Variants in NINL observed in about 807,000 individuals in gnomAD.
The protein encoded by NINL is ninein-like protein.
In NINL, 153 loss-of-function variants were observed where a neutral mutation model predicts 160.3. That is an observed-to-expected ratio of 0.95 (90% CI 0.84 to 1.09). The LOEUF (loss-of-function observed/expected upper bound fraction) is 1.09. NINL is among the 50% of genes least tolerant of loss of function. The pLI is 0.00. For missense variants in NINL, 1,829 were observed against 1,764.0 expected, an observed-to-expected ratio of 1.04 and a Z score of -0.66; for synonymous variants, 800 against 734.8, an observed-to-expected ratio of 1.09 and a Z score of -1.43.
chr20:25,489,841 C>T (rs1298536833), intron 12 of NINL, 34 bp downstream of exon 12: 1 of 1,596,710 alleles, frequency 6.3e-7, no homozygotes, highest in Non-Finnish European at 8.6e-7. Context: ...CAGGCCCTCC[C>T]CTCTGGAGGC....
chr20:25,513,396 G>A (rs2064109620), intron 3 of NINL, among the ~76,000 whole-genome samples: 1 of 152,190 alleles, frequency 6.6e-6, no homozygotes, highest in African/African-American at 2.4e-5. Flanking sequence ...AGTATACTGA[G>A]TGAACACGCT....
Position 25,517,841 on chromosome 20 carries a change from A to T in NINL, c.189T>A (p.Phe63Leu). Reference protein sequence around the residue: ...LGNDHFARVNFEEFKEGFVAV... With the variant: ...LGNDHFARVNLEEFKEGFVAV... ...CCACAAAACCTTCCTTAAATTCCTC[A>T]AAGTTAACCTGGGTGAATTGAAGGT... is the stretch of plus-strand genomic sequence containing the variant. The change falls in exon 3 of 24, where the codon TTT (phenylalanine) becomes TTA (leucine). Residue 63 changes from phenylalanine to leucine, a missense_variant. By Grantham distance (22) the Phe-to-Leu change is conservative (BLOSUM62 0). Transcript: ENST00000278886. 1 of 1,602,544 alleles carries T rather than the reference A, an allele frequency of 6.2e-7. No individual in the cohort carries two copies. Among genetic ancestry groups the T allele is most frequent in the South Asian group, 1.1e-5 (1 of 88,532 alleles).
At chr20:25,455,927 T>C in intron 22 of NINL, 141 bp from the exon 23 acceptor site, 1 of 657,240 alleles carries the variant, frequency 1.5e-6, no homozygotes, top group Non-Finnish European at 2.7e-6. Flanking sequence ...ACCCCATCTC[T>C]ACTAAAAAAA....
chr20:25,584,231 G>A (rs1302327321), intron 1 of NINL, among the ~76,000 whole-genome samples: 1 of 152,206 alleles, frequency 6.6e-6, no homozygotes, highest in Non-Finnish European at 1.5e-5. Flanking sequence ...AGAACTTTGG[G>A]AGGCCGAGGC....
At chr20:25,547,865 C>T (rs996712603) in intron 1 of NINL, among the ~76,000 whole-genome samples, 2 of 152,138 alleles carry the variant, frequency 1.3e-5, no homozygotes, top group South Asian at 2.1e-4. Context: ...GGAAATAAAC[C>T]GGGGCAACCT....
At chr20:25,503,702 G>C (rs2063909870) in intron 7 of NINL, among the ~76,000 whole-genome samples, 1 of 152,236 alleles carries the variant, frequency 6.6e-6, no homozygotes, top group African/African-American at 2.4e-5. Context: ...ACGTGAGCCT[G>C]AGGCTTGGAG....
At chr20:25,468,356 C>T (rs1005404839) in intron 18 of NINL, among the ~76,000 whole-genome samples, 8 of 150,988 alleles carry the variant, frequency 5.3e-5, no homozygotes, top group African/African-American at 2.0e-4. Context: ...CCTCCCTGTC[C>T]CCACTGACTC....
At chr20:25,570,134 T>A (rs1232435074) in intron 1 of NINL, among the ~76,000 whole-genome samples, 1 of 152,072 alleles carries the variant, frequency 6.6e-6, no homozygotes, top group African/African-American at 2.4e-5. Flanking sequence ...GAGCTGAGAT[T>A]GGGCCATTGC....
chr20:25,468,506 C>T (rs1321746192), intron 18 of NINL, among the ~76,000 whole-genome samples: 8 of 111,644 alleles, frequency 7.2e-5, no homozygotes, highest in Admixed American at 1.8e-4. Context: ...CCCTGTCCCC[C>T]GACTCTCACT....
chr20:25,562,222 C>A (rs1381016464), intron 1 of NINL, among the ~76,000 whole-genome samples: 1 of 106,662 alleles, frequency 9.4e-6, no homozygotes, highest in Non-Finnish European at 2.0e-5. Flanking sequence ...AGGTGAGGGG[C>A]GCCTCTGCCC....
At chr20:25,559,283 C>T (rs1213088356) in intron 1 of NINL, among the ~76,000 whole-genome samples, 1 of 152,168 alleles carries the variant, frequency 6.6e-6, no homozygotes, top group Non-Finnish European at 1.5e-5. Context: ...ACTCTGTCGC[C>T]AGGCTGGAGT....
At chr20:25,462,670 T>TG in intron 19 of NINL, 129 bp from the exon 20 acceptor site, 2 of 890,572 alleles carry the variant, frequency 2.2e-6, no homozygotes, top group Non-Finnish European at 3.3e-6. Flanking sequence ...TGTTTTGTTT[T>TG]TCAAGACAGG....
chr20:25,560,961 TC>T (rs1297827888), intron 1 of NINL, among the ~76,000 whole-genome samples: 1 of 150,190 alleles, frequency 6.7e-6, no homozygotes, highest in Non-Finnish European at 1.5e-5. Flanking sequence ...TCTTCAGCTC[TC>T]CCTCTCCCTC....
intron 14 of NINL, among the ~76,000 whole-genome samples, chr20:25,481,306 C>T (rs568402147): frequency 6.6e-6 from 1 of 152,228 alleles, no homozygotes; most frequent in South Asian, 2.1e-4. Flanking sequence ...GCATTGTATG[C>T]TGCTATTGAG....
chr20:25,485,064 G>A (rs1162847851), intron 13 of NINL, among the ~76,000 whole-genome samples: 1 of 152,180 alleles, frequency 6.6e-6, no homozygotes, highest in Non-Finnish European at 1.5e-5. Flanking sequence ...CTATGAAAAA[G>A]CGAGGAGGAC....
intron 8 of NINL, chr20:25,499,213 G>A (rs1479744128): frequency 1.8e-5 from 18 of 985,230 alleles, no homozygotes; most frequent in Middle Eastern, 5.2e-4. Context: ...CTGGGGAGCC[G>A]CCTGGAAAGC....
At position 25,544,206 on chromosome 20, in the gene NINL, C is replaced by A. The variant is rs1000622398; in HGVS notation, c.-11-17608G>T. Among the ~76,000 whole-genome samples, 3 of 150,728 alleles carry A rather than the reference C, an allele frequency of 2.0e-5. No individual in the cohort carries two copies. In the South Asian group the frequency reaches 6.2e-4, roughly 31 times the overall value. The stretch of plus-strand genomic sequence containing the variant: ...CACAATTTGACGCGTGGAATCTGGA[C>A]GGGAAAACAGTGACGATGAGTGGCC... On this transcript the variant is annotated intron_variant, in intron 1 of 23. Transcript: ENST00000278886.
intron 2 of NINL, among the ~76,000 whole-genome samples, chr20:25,520,282 C>T (rs543704332): frequency 2.0e-5 from 3 of 152,228 alleles, no homozygotes; most frequent in East Asian, 1.9e-4. Context: ...AACAGAAGGG[C>T]TATTAGGCTG....
intron 1 of NINL, among the ~76,000 whole-genome samples, chr20:25,554,783 A>G (rs2064848642): frequency 6.6e-6 from 1 of 152,108 alleles, no homozygotes; most frequent in Non-Finnish European, 1.5e-5. Context: ...CTCCAGCTTG[A>G]GTGACAGAGC....
Sources: allele counts gnomAD v4.1 joint callset (sites outside exome capture counted in the v4.1 genomes callset), GRCh38; gene constraint gnomAD v4.1.1; transcripts MANE v1.5; gene names NCBI Gene and HGNC (gene_info 2026-07-23, HGNC 2026-07-21).